Variants in ZNF544 observed in about 807,000 individuals in gnomAD.
The protein encoded by ZNF544 is zinc finger protein AF020591.
In ZNF544, 10 loss-of-function variants were observed where a neutral mutation model predicts 13.5. That is an observed-to-expected ratio of 0.74 (90% CI 0.46 to 1.25). The LOEUF is 1.25. Ranked by LOEUF, ZNF544 falls within the 50% of genes most tolerant of loss-of-function variation. The pLI, the probability that ZNF544 is intolerant of heterozygous loss-of-function variation, is 0.00. For missense variants in ZNF544, 896 were observed against 845.6 expected (o/e 1.06, Z -0.74); for synonymous variants, 323 against 300.5 (o/e 1.07, Z -0.77).
chr19:58,274,676 A>G (rs1323812485), intron 5 of ZNF544, among the ~76,000 whole-genome samples: 1 of 152,196 alleles, frequency 6.6e-6, no homozygotes. Flanking sequence ...TACTTTACGA[A>G]AAACAGCATT....
At chr19:58,235,087 G>A (rs1323050169) in intron 3 of ZNF544, among the ~76,000 whole-genome samples, 5 of 152,154 alleles carry the variant, frequency 3.3e-5, no homozygotes, top group African/African-American at 9.7e-5. Flanking sequence ...GAAATGTGTC[G>A]TTAGGTGACT....
intron 5 of ZNF544, among the ~76,000 whole-genome samples, chr19:58,272,043 T>C (rs1160175121): frequency 1.3e-5 from 2 of 151,716 alleles, no homozygotes; most frequent in African/African-American, 2.4e-5. Context: ...GTGCCTGTAA[T>C]GCCAGCTACT....
At chr19:58,232,524 G>T (rs1391774059) in intron 3 of ZNF544, among the ~76,000 whole-genome samples, 1 of 151,398 alleles carries the variant, frequency 6.6e-6, no homozygotes, top group African/African-American at 2.4e-5. Context: ...CTAACTTTTT[G>T]ATTTTTTTGT....
Position 58,261,797 on chromosome 19 carries a change from A to G in ZNF544, c.1191A>G (p.Ile397Met), listed in dbSNP as rs762476692. 2 of 1,614,010 alleles carry G rather than the reference A, an allele frequency of 1.2e-6. No homozygotes were observed. The highest frequency in any genetic ancestry group is 1.7e-6 in the Non-Finnish European group (2 of 1,180,028). Reference protein sequence around the residue: ...KSFSQSYDLVIHQRTHTGEKP... With the variant: ...KSFSQSYDLVMHQRTHTGEKP... ...TTAGCCAGAGCTATGACCTTGTCAT[A>G]CATCAGAGGACACACACTGGAGAGA... Residue 397 changes from isoleucine (I) to methionine (M), a missense_variant, in exon 7 of 7, where the codon ATA (isoleucine) becomes ATG (methionine). Ile to Met is a conservative substitution (Grantham distance 10). Transcript: ENST00000687789.
At chr19:58,234,718 A>T (rs1021013049) in intron 3 of ZNF544, among the ~76,000 whole-genome samples, 1 of 152,256 alleles carries the variant, frequency 6.6e-6, no homozygotes, top group East Asian at 1.9e-4. Context: ...AGTGGCCATT[A>T]TAGGGCTGAT....
intron 5 of ZNF544, among the ~76,000 whole-genome samples, chr19:58,274,016 G>C (rs944198257): frequency 1.3e-5 from 2 of 151,952 alleles, no homozygotes; most frequent in African/African-American, 4.8e-5. Context: ...GGATGGTCTC[G>C]AACTCTTGAT....
chr19:58,263,253 G>C lies in ZNF544; in HGVS notation c.*499G>C, dbSNP rs1183759733. The stretch of plus-strand genomic sequence containing the variant: ...AGGCAGGTGGATCACTTGAGCCCAG[G>C]AGTTTGAAACCAGCCTGGGTAACAT... On this transcript the variant is annotated 3_prime_UTR_variant, in exon 7 of 7. Transcript: ENST00000687789. 2.1e-6 allele frequency: 2 copies of C among 963,480 alleles called. No homozygotes were observed. Among genetic ancestry groups the C allele is most frequent in the Non-Finnish European group, 2.5e-6 (2 of 809,502 alleles). 59.7% of individuals were successfully genotyped at this position (963,480 alleles called of 1,614,324 possible).
In ZNF544 at chr19:58,261,559, G is replaced by A. The variant is rs1555768229; in HGVS notation, c.953G>A (p.Arg318Lys). 2 of 1,614,228 alleles carry A rather than the reference G, an allele frequency of 1.2e-6. No homozygotes were observed. The highest frequency in any genetic ancestry group is 2.7e-5 in the African/African-American group (2 of 75,068). ...SESLCLVQTERSGPGETPFRC... is the reference protein window; with the variant it reads ...SESLCLVQTEKSGPGETPFRC... ...AGTCTGTGCCTTGTACAAACAGAAAGAAGTGGCCCTGGAGAGACCCCCTTC... is the reference window on the plus strand; with the variant it reads ...AGTCTGTGCCTTGTACAAACAGAAAAAAGTGGCCCTGGAGAGACCCCCTTC... Residue 318 changes from arginine (R) to lysine (K), a missense_variant, in exon 7 of 7, where the codon AGA becomes AAA. By Grantham distance (26) the Arg-to-Lys change is conservative (BLOSUM62 2). Transcript: ENST00000687789.
At position 58,263,470 on chromosome 19, in the gene ZNF544, C is replaced by A. The variant is rs1439110088; in HGVS notation, c.*716C>A. 2.2e-5 allele frequency: 22 copies of A among 985,180 alleles called. No homozygotes were observed. The highest frequency in any genetic ancestry group is 2.7e-5 in the Non-Finnish European group (22 of 829,928). 61.0% of individuals were successfully genotyped at this position (985,180 alleles called of 1,614,324 possible). A position where few individuals can be genotyped will look rare whatever the true frequency, so the allele number is the denominator to read the frequency against. On this transcript the variant is annotated 3_prime_UTR_variant, in exon 7 of 7. Transcript: ENST00000687789. Reference sequence around the variant, plus strand: ...TTGAGACACTCTAAATAAATAATAACCAAGATGGGAAATTTCCCTGCCAGA... The same window carrying A: ...TTGAGACACTCTAAATAAATAATAAACAAGATGGGAAATTTCCCTGCCAGA...
chr19:58,273,121 C>T (rs1231158875), intron 5 of ZNF544, among the ~76,000 whole-genome samples: 3 of 150,852 alleles, frequency 2.0e-5, no homozygotes, highest in Non-Finnish European at 2.9e-5. Flanking sequence ...GCGGAGGTTG[C>T]AGTAAGCCAA....
chr19:58,252,820 T>G (rs972375921), intron 6 of ZNF544, among the ~76,000 whole-genome samples: 1 of 152,196 alleles, frequency 6.6e-6, no homozygotes, highest in Non-Finnish European at 1.5e-5. Flanking sequence ...TTTTATTTAC[T>G]TATTATCATT....
intron 6 of ZNF544, among the ~76,000 whole-genome samples, chr19:58,254,710 T>C (rs1432174730): frequency 6.6e-6 from 1 of 152,200 alleles, no homozygotes; most frequent in South Asian, 2.1e-4. Context: ...AGTATCCCAC[T>C]AATTTCAGTG....
Position 58,262,736 on chromosome 19 carries a change from T to C in ZNF544, c.2130T>C (p.His710=). 1 of 1,601,262 alleles carries C rather than the reference T, an allele frequency of 6.2e-7. No homozygotes were observed. The highest frequency in any genetic ancestry group is 8.5e-7 in the Non-Finnish European group (1 of 1,171,946). ...QSQLVVHRRT[H]TGEKP ...AACTTGTAGTGCATCGGCGGACACA[T>C]ACTGGAGAGAAACCTTAGGAGTGCA... The change falls in exon 7 of 7, where the codon CAT becomes CAC. Residue 710 remains histidine (H), a synonymous_variant. Coordinates refer to ENST00000687789, the MANE Select transcript of ZNF544 (RefSeq NM_014480.4).
chr19:58,262,125 C>A lies in ZNF544; in HGVS notation c.1519C>A (p.Leu507Ile). 1.2e-6 allele frequency: 2 copies of A among 1,612,876 alleles called. No individual in the cohort carries two copies. The highest frequency in any genetic ancestry group is 1.7e-6 in the Non-Finnish European group (2 of 1,179,834). The change falls in exon 7 of 7, where the codon CTT (leucine) becomes ATT (isoleucine). Residue 507 changes from leucine (L) to isoleucine (I), a missense_variant. By Grantham distance (5) the Leu-to-Ile change is conservative (BLOSUM62 2). Coordinates refer to ENST00000687789, the MANE Select transcript of ZNF544 (RefSeq NM_014480.4). ...GAAATCTTTCAGCCAGAAGTATGAC[C>A]TTGTTGTACATCAGAGGACACACAC... is the stretch of plus-strand genomic sequence containing the variant. Reference protein sequence around the residue: ...CGKSFSQKYDLVVHQRTHTGE... With the variant: ...CGKSFSQKYDIVVHQRTHTGE...
chr19:58,261,865 G>A lies in ZNF544; in HGVS notation c.1259G>A (p.Arg420Lys), dbSNP rs2049030039. The change falls in exon 7 of 7, where the codon AGA becomes AAA. Residue 420 changes from arginine to lysine, a missense_variant. Arg to Lys is a conservative substitution (Grantham distance 26, BLOSUM62 2). Transcript: ENST00000687789. ...CTGTGTGGGAAATCCTTCACCCAGAGATCCAAACTTATTACACATCAGCGA... is the reference window on the plus strand; with the variant it reads ...CTGTGTGGGAAATCCTTCACCCAGAAATCCAAACTTATTACACATCAGCGA... ...CDLCGKSFTQ[R>K]SKLITHQRIH... 2 of 1,613,364 alleles carry A rather than the reference G, an allele frequency of 1.2e-6. No individual in the cohort carries two copies. Among genetic ancestry groups the A allele is most frequent in the South Asian group, 2.2e-5 (2 of 91,058 alleles).
chr19:58,271,912 A>T (rs928360807), intron 5 of ZNF544, among the ~76,000 whole-genome samples: 3 of 152,128 alleles, frequency 2.0e-5, no homozygotes, highest in African/African-American at 7.2e-5. Context: ...CTGTAATCCC[A>T]GCACTTTGGG....
intron 4 of ZNF544, 62 bp from the exon 5 acceptor site, chr19:58,246,239 G>A: frequency 2.5e-6 from 4 of 1,609,830 alleles, no homozygotes; most frequent in Non-Finnish European, 3.4e-6. Flanking sequence ...GGCCTTAACA[G>A]GTACCTCCGT....
At chr19:58,240,415 G>A (rs2043316460) in intron 3 of ZNF544, among the ~76,000 whole-genome samples, 1 of 151,634 alleles carries the variant, frequency 6.6e-6, no homozygotes, top group Admixed American at 6.6e-5. Flanking sequence ...CCACCACCAC[G>A]CCCGTCTAAT....
chr19:58,235,556 C>T (rs768614884), intron 3 of ZNF544, among the ~76,000 whole-genome samples: 3 of 152,062 alleles, frequency 2.0e-5, no homozygotes, highest in South Asian at 2.1e-4. Flanking sequence ...ATCGTGGTGG[C>T]TATAGTTAAT....
Sources: gnomAD v4.1 joint callset for allele counts (sites outside exome capture counted in the v4.1 genomes callset) on GRCh38, gnomAD v4.1.1 for gene constraint, MANE v1.5 for transcripts, NCBI Gene and HGNC (gene_info 2026-07-23, HGNC 2026-07-21) for gene names.